The following YY1AP1 variants were observed in gnomAD, a reference collection of about 807,000 sequenced individuals.
YY1AP1 encodes YY1-associated protein 1.
A neutral mutation model predicts 39.9 loss-of-function variants in YY1AP1; 43 were observed. That is an observed-to-expected ratio of 1.08 (90% CI 0.84 to 1.39). YY1AP1 has a LOEUF of 1.39. YY1AP1 is among the 40% of genes most tolerant of loss of function. The pLI, the probability that YY1AP1 is intolerant of heterozygous loss-of-function variation, is 0.00. For synonymous variants in YY1AP1, 292 were observed against 331.3 expected (o/e 0.88, Z 1.29); for missense variants, 813 against 900.7 (o/e 0.90, Z 1.25).
At chr1:155,688,380 G>A (rs1236850819) in intron 1 of YY1AP1, 179 bp from the exon 2 acceptor site, 1 of 1,544,406 alleles carries the variant, frequency 6.5e-7, no homozygotes, top group East Asian at 2.4e-5. Context: ...AGGGAGCTAA[G>A]GGCGCCTAGC....
At chr1:155,672,500 A>G in intron 7 of YY1AP1, 60 bp downstream of exon 7, 1 of 1,603,822 alleles carries the variant, frequency 6.2e-7, no homozygotes, top group Non-Finnish European at 8.5e-7. Flanking sequence ...TCTATGGGAT[A>G]AGATTCCCAC....
chr1:155,673,692 C>T (rs1042642755), intron 6 of YY1AP1, among the ~76,000 whole-genome samples: 9 of 151,804 alleles, frequency 5.9e-5, no homozygotes, highest in Non-Finnish European at 1.3e-4. Flanking sequence ...TACAGGCACT[C>T]GGCACCATCC....
At chr1:155,680,591 G>GA in intron 2 of YY1AP1, 135 bp from the exon 3 acceptor site, 1 of 721,864 alleles carries the variant, frequency 1.4e-6, no homozygotes. Flanking sequence ...TCCTGAGACA[G>GA]GGTCTCACTC....
chr1:155,686,366 T>G (rs1652338725), intron 2 of YY1AP1, among the ~76,000 whole-genome samples: 1 of 152,022 alleles, frequency 6.6e-6, no homozygotes. Flanking sequence ...GAAATCAGTC[T>G]TTCAAAGGAT....
intron 9 of YY1AP1, among the ~76,000 whole-genome samples, chr1:155,665,665 C>T (rs1001080243): frequency 6.6e-6 from 1 of 151,354 alleles, no homozygotes; most frequent in Non-Finnish European, 1.5e-5. Flanking sequence ...GTAATCCCCG[C>T]ACTCTGGGAG....
At position 155,679,508 on chromosome 1, in the gene YY1AP1, T is replaced by A. The variant is rs112990268; in HGVS notation, c.26A>T (p.Gln9Leu). MEDLFETF[Q>L]DEMGFSNMED... Reference sequence around the variant, plus strand: ...CATGTTGGAGAATCCCATCTCATCTTGGAACTGTGGGCAAAGGAAAGGGAG... The same window carrying A: ...CATGTTGGAGAATCCCATCTCATCTAGGAACTGTGGGCAAAGGAAAGGGAG... The change falls in exon 4 of 11, where the codon CAA becomes CTA. Residue 9 changes from glutamine (Q) to leucine (L), a missense_variant. Around this residue, in one of 3 missense-constraint regions of YY1AP1, gnomAD observed 196 missense variants for 189.7 expected, o/e 1.03. Transcript: ENST00000355499. 6 of 1,614,170 alleles carry A rather than the reference T, an allele frequency of 3.7e-6. No homozygotes were observed. In the Admixed American group the frequency reaches 1.0e-4, roughly 27 times the overall value.
At chr1:155,685,547 C>T (rs1652092790) in intron 2 of YY1AP1, among the ~76,000 whole-genome samples, 1 of 152,238 alleles carries the variant, frequency 6.6e-6, no homozygotes, top group East Asian at 1.9e-4. Context: ...GATACTTGTG[C>T]GACATTAGCT....
At chr1:155,683,047 T>C (rs913275106) in intron 2 of YY1AP1, among the ~76,000 whole-genome samples, 4 of 151,196 alleles carry the variant, frequency 2.6e-5, no homozygotes, top group Non-Finnish European at 4.4e-5. Context: ...GATTGCGCCA[T>C]TGCACTCCAG....
At chr1:155,679,743 G>T in intron 3 of YY1AP1, 1 of 984,738 alleles carries the variant, frequency 1.0e-6, no homozygotes, top group Non-Finnish European at 1.2e-6. Context: ...AGTAAGCACA[G>T]AGCTAGGATA....
chr1:155,666,007 A>G (rs1412830041), intron 9 of YY1AP1, among the ~76,000 whole-genome samples: 1 of 152,184 alleles, frequency 6.6e-6, no homozygotes, highest in Non-Finnish European at 1.5e-5. Context: ...GTGACAGAAT[A>G]TCTAGAATAC....
chr1:155,686,278 G>C (rs1652302112), intron 2 of YY1AP1, among the ~76,000 whole-genome samples: 3 of 151,734 alleles, frequency 2.0e-5, no homozygotes, highest in African/African-American at 4.8e-5. Flanking sequence ...CTCGTGATTC[G>C]ATCTCCTGAC....
chr1:155,688,687 C>CA lies in YY1AP1; in HGVS notation c.-181dup. 1 of 1,529,598 alleles carries CA rather than the reference C, an allele frequency of 6.5e-7. No homozygotes were observed. Among genetic ancestry groups the CA allele is most frequent in the Non-Finnish European group, 8.7e-7 (1 of 1,145,064 alleles). 94.8% of individuals were successfully genotyped at this position (1,529,598 alleles called of 1,614,324 possible). The stretch of plus-strand genomic sequence containing the variant: ...CAGCGGCGCGAGCCCAAGCCTTCTC[C>CA]ACCTCCTCTTCTCTCCTCCCCCTCC... On this transcript the variant is annotated 5_prime_UTR_variant, in exon 1 of 11. Coordinates refer to ENST00000355499, the MANE Select transcript of YY1AP1 (RefSeq NM_139119.3).
chr1:155,688,123 G>A lies in YY1AP1; in HGVS notation c.-73C>T. 6.2e-7 allele frequency: 1 copy of A among 1,611,754 alleles called. No individual in the cohort carries two copies. Among genetic ancestry groups the A allele is most frequent in the Non-Finnish European group, 8.5e-7 (1 of 1,178,428 alleles). ...TACAGGGAAGTGAGGAAGAGGGGGT[G>A]GCCGCCAGGCTCCTCCGCTTCCCTG... On this transcript the variant is annotated 5_prime_UTR_variant, in exon 2 of 11. Transcript: ENST00000355499.
intron 2 of YY1AP1, among the ~76,000 whole-genome samples, chr1:155,686,051 T>C (rs1442825223): frequency 7.1e-6 from 1 of 141,542 alleles, no homozygotes. Flanking sequence ...TTTTTTTTTT[T>C]TGGAGATGGA....
At chr1:155,661,457 C>T in intron 9 of YY1AP1, 34 bp from the exon 10 acceptor site, 2 of 1,612,298 alleles carry the variant, frequency 1.2e-6, no homozygotes, top group Non-Finnish European at 1.7e-6. Context: ...GAATTACATT[C>T]CTTCTGGAAA....
At chr1:155,670,516 T>C (rs951610315) in intron 7 of YY1AP1, 52 bp from the exon 8 acceptor site, 2 of 1,605,512 alleles carry the variant, frequency 1.2e-6, no homozygotes, top group Non-Finnish European at 1.7e-6. Flanking sequence ...AAAGAGGGCT[T>C]CAAAAAGCCT....
At chr1:155,663,239 C>T (rs1468303333) in intron 9 of YY1AP1, among the ~76,000 whole-genome samples, 7 of 151,212 alleles carry the variant, frequency 4.6e-5, no homozygotes, top group South Asian at 2.1e-4. Context: ...AGTGTGGTGG[C>T]GCGTGCCTGT....
chr1:155,663,439 C>T (rs571758459), intron 9 of YY1AP1, among the ~76,000 whole-genome samples: 33 of 148,520 alleles, frequency 2.2e-4, no homozygotes, highest in African/African-American at 4.5e-4. Flanking sequence ...ACCATGGATA[C>T]GCCAGGCATG....
At chr1:155,681,220 G>C (rs1450765962) in intron 2 of YY1AP1, among the ~76,000 whole-genome samples, 1 of 151,662 alleles carries the variant, frequency 6.6e-6, no homozygotes, top group Non-Finnish European at 1.5e-5. Flanking sequence ...AGTAGAGATG[G>C]GGTTTCTCCA....
Sources: gnomAD v4.1 joint callset for allele counts (sites outside exome capture counted in the v4.1 genomes callset) on GRCh38, gnomAD v4.1.1 for gene constraint, gnomAD v4.1.1 regional missense constraint, MANE v1.5 for transcripts, NCBI Gene and HGNC (gene_info 2026-07-23, HGNC 2026-07-21) for gene names.